The following EDARADD variants were observed in gnomAD, a reference collection of about 807,000 sequenced individuals.
EDARADD encodes the protein EDAR associated via death domain.
EDARADD carries 20 observed loss-of-function variants against 25.6 expected under a neutral mutation model. The ratio of observed to expected loss-of-function variants is 0.78; its 90% CI spans 0.55 to 1.14. The LOEUF is 1.14. EDARADD is among the 50% of genes most tolerant of loss of function. The probability of loss-of-function intolerance (pLI) is 0.00; values close to 1 mark genes in which losing one functional copy is unlikely to be tolerated. For missense variants in EDARADD, 225 were observed against 270.1 expected (o/e 0.83, Z 1.17); for synonymous variants, 86 against 94.4 (o/e 0.91, Z 0.52).
chr1:236,420,857 C>T (rs1335289498), intron 3 of EDARADD, among the ~76,000 whole-genome samples: 1 of 145,356 alleles, frequency 6.9e-6, no homozygotes, highest in Non-Finnish European at 1.5e-5. Flanking sequence ...CCTCAGCCTC[C>T]TGAGTAGCTG....
rs1558112846 is a variant in EDARADD at position 236,405,878 on chromosome 1, T to TTCCTTCC, written c.62-3337_62-3336insCCTTCCT. The stretch of plus-strand genomic sequence containing the variant: ...CCTTCCTTCCTTCCTTCCTTCCTTC[T>TTCCTTCC]TTCTTTCTTTCTTTCTTTCTTTCTT... On this transcript the variant is annotated intron_variant, in intron 1 of 5. Transcript: ENST00000334232. 4.2e-3 allele frequency among the ~76,000 whole-genome samples: 126 copies of TTCCTTCC among 29,834 alleles called. 1 individual carries two copies. The highest frequency in any genetic ancestry group is 5.5e-3 in the South Asian group (4 of 722). The allele number at this position is 29,834 out of a possible 152,430, so 19.6% of individuals were successfully genotyped here. A position where few individuals can be genotyped will look rare whatever the true frequency, so the allele number is the denominator to read the frequency against.
At chr1:236,465,994 G>T (rs1165973608) in intron 4 of EDARADD, among the ~76,000 whole-genome samples, 1 of 152,170 alleles carries the variant, frequency 6.6e-6, no homozygotes, top group African/African-American at 2.4e-5. Flanking sequence ...ATTTCCTCCA[G>T]ATTATGAGAA....
At chr1:236,435,225 A>G (rs1277535426) in intron 4 of EDARADD, among the ~76,000 whole-genome samples, 1 of 152,234 alleles carries the variant, frequency 6.6e-6, no homozygotes, top group Non-Finnish European at 1.5e-5. Flanking sequence ...AGGTCAGAGG[A>G]AGAAAGGAGC....
chr1:236,367,442 T>C (rs1667124317), intron 3 of EDARADD, among the ~76,000 whole-genome samples: 1 of 152,114 alleles, frequency 6.6e-6, no homozygotes, highest in Non-Finnish European at 1.5e-5. Context: ...TTGGCCAGGC[T>C]GGTCTCAAAC....
In EDARADD at chr1:236,482,651, G is replaced by C. The variant is rs1452435197; in HGVS notation, c.*2G>C. 1.2e-6 allele frequency: 2 copies of C among 1,611,524 alleles called. No homozygotes were observed. Among genetic ancestry groups the C allele is most frequent in the African/African-American group, 2.7e-5 (2 of 74,852 alleles). The stretch of plus-strand genomic sequence containing the variant: ...GGAGACCCCTCCAGGCACTTCTAGA[G>C]CTCTTCTTCTTCCTTCATTGGCCTC... On this transcript the variant is annotated 3_prime_UTR_variant, in exon 6 of 6. Coordinates refer to ENST00000334232, the MANE Select transcript of EDARADD (RefSeq NM_145861.4).
intron 3 of EDARADD, among the ~76,000 whole-genome samples, chr1:236,383,327 G>A (rs1667321828): frequency 6.6e-6 from 1 of 151,014 alleles, no homozygotes; most frequent in African/African-American, 2.4e-5. Context: ...CCTAGGAGGT[G>A]GAGGTTGCAG....
At position 236,483,554 on chromosome 1, in the gene EDARADD, G is replaced by T. The variant is rs1052310147; in HGVS notation, c.*905G>T. Reference sequence around the variant, plus strand: ...GTGCTGTTGAGAAGGGGGTTCCCCTGTACCACCACATCGCCGACTTGTCTG... The same window carrying T: ...GTGCTGTTGAGAAGGGGGTTCCCCTTTACCACCACATCGCCGACTTGTCTG... On this transcript the variant is annotated 3_prime_UTR_variant, in exon 6 of 6. Coordinates refer to ENST00000334232, the MANE Select transcript of EDARADD (RefSeq NM_145861.4). 8.2e-7 allele frequency: 1 copy of T among 1,224,790 alleles called. No homozygotes were observed. The highest frequency in any genetic ancestry group is 1.2e-6 in the Non-Finnish European group (1 of 827,598). 75.9% of individuals were successfully genotyped at this position (1,224,790 alleles called of 1,614,324 possible). A position where few individuals can be genotyped will look rare whatever the true frequency, so the allele number is the denominator to read the frequency against.
intron 1 of EDARADD, among the ~76,000 whole-genome samples, chr1:236,399,793 C>T (rs1179954337): frequency 6.6e-6 from 1 of 152,240 alleles, no homozygotes; most frequent in Non-Finnish European, 1.5e-5. Flanking sequence ...CAAGTGCCGA[C>T]GGCCACAGAG....
At chr1:236,436,950 G>T (rs1220070897) in intron 4 of EDARADD, among the ~76,000 whole-genome samples, 1 of 152,208 alleles carries the variant, frequency 6.6e-6, no homozygotes, top group Non-Finnish European at 1.5e-5. Flanking sequence ...ATGGTAGATG[G>T]TGAAACATCC....
Position 236,398,998 on chromosome 1 carries a change from G to A in EDARADD, c.61+4493G>A, listed in dbSNP as rs187703405. The stretch of plus-strand genomic sequence containing the variant: ...GGAAGGTTATAAAATTTAACCACAG[G>A]CTCTTTAAAGAGTTGGGGGGAGAAA... On this transcript the variant is annotated intron_variant, in intron 1 of 5. Coordinates refer to ENST00000334232, the MANE Select transcript of EDARADD (RefSeq NM_145861.4). The surrounding 1 kb of genome is among the most constrained non-coding windows in gnomAD (Gnocchi z 4.1). Among the ~76,000 whole-genome samples the A allele has an allele frequency of 1.3e-3, 192 of 152,228 alleles. 2 individuals are homozygous for A. The highest frequency in any genetic ancestry group is 4.4e-3 in the African/African-American group (181 of 41,530).
chr1:236,379,889 A>G (rs111719581), intron 3 of EDARADD, among the ~76,000 whole-genome samples: 3 of 152,366 alleles, frequency 2.0e-5, no homozygotes, highest in African/African-American at 7.2e-5. Context: ...TATTCCAAAT[A>G]CAATTGAGCT....
At chr1:236,361,501 T>TGTATTTTTA (rs1262919345) in intron 3 of EDARADD, among the ~76,000 whole-genome samples, 1 of 151,798 alleles carries the variant, frequency 6.6e-6, no homozygotes, top group Non-Finnish European at 1.5e-5. Flanking sequence ...AGCTAATTTT[T>TGTATTTTTA]GTATTTTTAG....
intron 4 of EDARADD, among the ~76,000 whole-genome samples, chr1:236,441,326 A>G (rs1206750933): frequency 3.4e-5 from 5 of 145,292 alleles, no homozygotes; most frequent in African/African-American, 7.5e-5. Context: ...ATATAAATGT[A>G]TATAAATATA....
intron 4 of EDARADD, among the ~76,000 whole-genome samples, chr1:236,456,674 G>A (rs562516296): frequency 1.4e-4 from 22 of 151,856 alleles, no homozygotes; most frequent in East Asian, 1.9e-4. Context: ...CTCTACCCGC[G>A]ACTCTGAAGT....
In EDARADD at chr1:236,409,316, T is replaced by G. The variant is rs144815146; in HGVS notation, c.120+42T>G. 606 of 1,522,532 alleles carry G rather than the reference T, an allele frequency of 4.0e-4. 2 individuals carry two copies. The East Asian group carries it at 0.013, about 33-fold the overall frequency. The allele number at this position is 1,522,532 out of a possible 1,614,324, so 94.3% of individuals were successfully genotyped here. On this transcript the variant is annotated intron_variant, in intron 2 of 5. Transcript: ENST00000334232. ...ACACTAATGGTGATAATTATTGTTT[T>G]GCTTTTTTTCTTTGTTATTTCTTTA...
At chr1:236,474,906 G>A (rs1164984863) in intron 5 of EDARADD, among the ~76,000 whole-genome samples, 2 of 152,230 alleles carry the variant, frequency 1.3e-5, no homozygotes, top group African/African-American at 4.8e-5. Flanking sequence ...GCTGAGGCGG[G>A]TGGATCACTT....
chr1:236,451,189 A>G (rs928331729), intron 4 of EDARADD, among the ~76,000 whole-genome samples: 1 of 152,180 alleles, frequency 6.6e-6, no homozygotes, highest in South Asian at 2.1e-4. Context: ...TTCTATCGCC[A>G]TGGCCTCTGG....
intron 3 of EDARADD, among the ~76,000 whole-genome samples, chr1:236,358,170 C>T (rs1667003967): frequency 6.6e-6 from 1 of 152,176 alleles, no homozygotes; most frequent in Non-Finnish European, 1.5e-5. Context: ...TGCACCTGGC[C>T]ACAAGGAAAG....
intron 1 of EDARADD, 29 bp from the exon 2 acceptor site, chr1:236,409,187 C>T (rs746451148): frequency 6.3e-7 from 1 of 1,584,978 alleles, no homozygotes; most frequent in Non-Finnish European, 8.6e-7. Context: ...CAAACCCGCT[C>T]TATTTGTTTG....
Sources: gnomAD v4.1 joint callset for allele counts (sites outside exome capture counted in the v4.1 genomes callset) on GRCh38, gnomAD v4.1.1 for gene constraint, Gnocchi (gnomAD v3.1) non-coding constraint, MANE v1.5 for transcripts, NCBI Gene and HGNC (gene_info 2026-07-23, HGNC 2026-07-21) for gene names.